Variants in GLIS1 observed in about 807,000 individuals in gnomAD.
GLIS1 encodes the protein GLIS family zinc finger 1, also known as zinc finger protein GLIS1.
A neutral mutation model predicts 63.8 loss-of-function variants in GLIS1; 24 were observed. The observed-to-expected ratio is 0.38, with a 90% confidence interval of 0.27 to 0.53. The LOEUF is 0.53. Among genes scored for constraint, GLIS1 ranks in the 20% least tolerant of loss-of-function variants. The pLI is 0.85. For missense variants in GLIS1, 1,036 were observed against 1,074.1 expected (o/e 0.96, Z 0.50); for synonymous variants, 450 against 482.5 (o/e 0.93, Z 0.88).
At chr1:53,532,501 A>G (rs1056066846) in intron 4 of GLIS1, among the ~76,000 whole-genome samples, 9 of 152,144 alleles carry the variant, frequency 5.9e-5, no homozygotes, top group African/African-American at 2.2e-4. Flanking sequence ...TCTGCTTCCT[A>G]CTTCCAGATG....
At chr1:53,641,792 G>C (rs2100291564) in intron 2 of GLIS1, among the ~76,000 whole-genome samples, 1 of 152,326 alleles carries the variant, frequency 6.6e-6, no homozygotes. Flanking sequence ...TCTTGGGAAG[G>C]AACGGTCCAT....
At chr1:53,547,371 C>T (rs1003479136) in intron 4 of GLIS1, among the ~76,000 whole-genome samples, 4 of 152,262 alleles carry the variant, frequency 2.6e-5, no homozygotes, top group African/African-American at 9.6e-5. Flanking sequence ...GAGCTGCATG[C>T]TCAATGGGGC....
chr1:53,545,447 C>T (rs1439152770), intron 4 of GLIS1, among the ~76,000 whole-genome samples: 2 of 152,196 alleles, frequency 1.3e-5, no homozygotes, highest in Non-Finnish European at 2.9e-5. Context: ...TTTCCTCACT[C>T]GCTTATTCAC....
intron 4 of GLIS1, among the ~76,000 whole-genome samples, chr1:53,558,290 C>T (rs1644852909): frequency 6.6e-6 from 1 of 152,220 alleles, no homozygotes; most frequent in South Asian, 2.1e-4. Flanking sequence ...CAGCCCAGGG[C>T]TTTAGTCCCC....
rs113994393 is a variant in GLIS1, at chr1:53,705,025, C to T, written c.259+32781G>A. Among the ~76,000 whole-genome samples the T allele has an allele frequency of 4.6e-3, 697 of 152,278 alleles. 3 individuals are homozygous for T. The highest frequency in any genetic ancestry group is 0.016 in the African/African-American group (675 of 41,552). ...GAGGGAGCGCATGAATTCACACCTG[C>T]CCCCAACACGTACCTAACAGCATTG... On this transcript the variant is annotated intron_variant, in intron 2 of 10. Transcript: ENST00000628545.
At chr1:53,690,856 C>T (rs1229415658) in intron 2 of GLIS1, among the ~76,000 whole-genome samples, 6 of 152,188 alleles carry the variant, frequency 3.9e-5, no homozygotes, top group African/African-American at 1.4e-4. Context: ...CCACTCCAAC[C>T]GCTTTGCATA....
intron 2 of GLIS1, among the ~76,000 whole-genome samples, chr1:53,716,152 C>CCAGA (rs1480213262): frequency 1.3e-5 from 2 of 152,148 alleles, no homozygotes; most frequent in Admixed American, 6.5e-5. Context: ...AGAGTACTCG[C>CCAGA]CAGAGCTCTC....
chr1:53,525,863 C>T (rs1265973563), intron 5 of GLIS1, among the ~76,000 whole-genome samples: 1 of 152,164 alleles, frequency 6.6e-6, no homozygotes, highest in African/African-American at 2.4e-5. Flanking sequence ...GAACATCCCC[C>T]TAAGCGCTGT....
chr1:53,637,063 C>T (rs1166270342), intron 2 of GLIS1, among the ~76,000 whole-genome samples: 1 of 152,004 alleles, frequency 6.6e-6, no homozygotes, highest in African/African-American at 2.4e-5. Flanking sequence ...CTCAGTGGGG[C>T]CTTCCCACTC....
At chr1:53,563,904 G>T (rs145092233) in intron 4 of GLIS1, among the ~76,000 whole-genome samples, 5 of 152,236 alleles carry the variant, frequency 3.3e-5, no homozygotes, top group African/African-American at 1.2e-4. Flanking sequence ...TATTTTCAAA[G>T]CACCGAAAGA....
At chr1:53,570,114 T>C (rs1298907077) in intron 4 of GLIS1, among the ~76,000 whole-genome samples, 1 of 152,128 alleles carries the variant, frequency 6.6e-6, no homozygotes, top group Non-Finnish European at 1.5e-5. Context: ...TTTCTCTCTT[T>C]CTTTTTTTAT....
intron 2 of GLIS1, among the ~76,000 whole-genome samples, chr1:53,725,039 G>A (rs567673164): frequency 1.6e-4 from 25 of 152,284 alleles, no homozygotes; most frequent in Admixed American, 5.2e-4. Context: ...TGAGTGCATA[G>A]CAGCCAGAGC....
At chr1:53,688,331 A>C (rs1646364094) in intron 2 of GLIS1, among the ~76,000 whole-genome samples, 1 of 152,182 alleles carries the variant, frequency 6.6e-6, no homozygotes, top group Non-Finnish European at 1.5e-5. Context: ...AGCACTTTGC[A>C]GGGTAGAGGT....
chr1:53,657,922 G>A (rs968687144), intron 2 of GLIS1, among the ~76,000 whole-genome samples: 4 of 152,050 alleles, frequency 2.6e-5, no homozygotes, highest in African/African-American at 9.7e-5. Context: ...CTCCCTTTCA[G>A]CCTCATCCTC....
chr1:53,585,235 G>A (rs1317331962), intron 4 of GLIS1, among the ~76,000 whole-genome samples: 1 of 152,012 alleles, frequency 6.6e-6, no homozygotes, highest in Non-Finnish European at 1.5e-5. Context: ...GTGGGGGAAG[G>A]AACAAGGGCT....
chr1:53,707,459 G>C (rs1036169602), intron 2 of GLIS1, among the ~76,000 whole-genome samples: 14 of 152,112 alleles, frequency 9.2e-5, no homozygotes, highest in African/African-American at 3.4e-4. Flanking sequence ...AGACAAGCCT[G>C]GACAATATGC....
intron 2 of GLIS1, among the ~76,000 whole-genome samples, chr1:53,600,620 G>A (rs1645307193): frequency 6.6e-6 from 1 of 152,222 alleles, no homozygotes; most frequent in Non-Finnish European, 1.5e-5. Flanking sequence ...GGAACGTACA[G>A]TGTATTATCC....
rs116174561 is a variant in GLIS1 at position 53,512,334 on chromosome 1, C to A, written c.1883+2291G>T. Among the ~76,000 whole-genome samples the A allele has an allele frequency of 8.4e-3, 1,285 of 152,276 alleles. 13 individuals are homozygous for A. Among genetic ancestry groups the A allele is most frequent in the African/African-American group, 0.029 (1,186 of 41,542 alleles). Reference sequence around the variant, plus strand: ...TTAATATAAAACCTCACTAGCCTGGCAGACTGAGGGCTTCATACCTCGCAC... The same window carrying A: ...TTAATATAAAACCTCACTAGCCTGGAAGACTGAGGGCTTCATACCTCGCAC... On this transcript the variant is annotated intron_variant, in intron 8 of 10. Transcript: ENST00000628545.
intron 2 of GLIS1, among the ~76,000 whole-genome samples, chr1:53,607,677 T>G (rs1365218589): frequency 2.6e-5 from 4 of 152,186 alleles, no homozygotes; most frequent in Non-Finnish European, 5.9e-5. Flanking sequence ...CTGCTCCACA[T>G]CATTAAGCGA....
Sources: gnomAD v4.1 joint callset for allele counts (sites outside exome capture counted in the v4.1 genomes callset) on GRCh38, gnomAD v4.1.1 for gene constraint, MANE v1.5 for transcripts, NCBI Gene and HGNC (gene_info 2026-07-23, HGNC 2026-07-21) for gene names.